Variants in TNFSF9 observed in about 807,000 individuals in gnomAD.
TNFSF9 encodes the protein tumor necrosis factor ligand superfamily member 9.
A neutral mutation model predicts 10.3 loss-of-function variants in TNFSF9; 10 were observed. The ratio of observed to expected loss-of-function variants is 0.97; its 90% CI spans 0.60 to 1.65. The LOEUF (loss-of-function observed/expected upper bound fraction) is 1.65. Ranked by LOEUF, TNFSF9 falls within the 40% of genes most tolerant of loss-of-function variation. TNFSF9 has a pLI of 0.00. For missense variants in TNFSF9, 361 were observed against 348.9 expected (o/e 1.03, Z -0.28); for synonymous variants, 195 against 176.1 (o/e 1.11, Z -0.85).
Position 6,535,268 on chromosome 19 carries a change from A to C in TNFSF9, c.*202A>C, listed in dbSNP as rs1915243259. ...TGATATTTATTCTGAGCCTGAGCTC[A>C]GATAATATATTATATATATTATATA... On this transcript the variant is annotated 3_prime_UTR_variant, in exon 3 of 3. Coordinates refer to ENST00000245817, the MANE Select transcript of TNFSF9 (RefSeq NM_003811.4). The C allele has an allele frequency of 3.8e-6, 1 of 262,860 alleles. No homozygotes were observed. The highest frequency in any genetic ancestry group is 5.1e-5 in the Admixed American group (1 of 19,584). 16.3% of individuals were successfully genotyped at this position (262,860 alleles called of 1,614,324 possible).
chr19:6,532,299 T>TGTG (rs1491291966), intron 1 of TNFSF9, among the ~76,000 whole-genome samples: 25 of 81,884 alleles, frequency 3.1e-4, no homozygotes, highest in African/African-American at 1.7e-3. Context: ...GTGTGTGTGT[T>TGTG]CGTGTTTGTG....
At chr19:6,532,612 T>C (rs547350640) in intron 1 of TNFSF9, among the ~76,000 whole-genome samples, 174 bp from the exon 2 acceptor site, 40 of 150,894 alleles carry the variant, frequency 2.7e-4, no homozygotes, top group East Asian at 7.7e-4. Context: ...TTCGTGTGTT[T>C]GTGTGTTTGT....
Position 6,534,987 on chromosome 19 carries a change from C to T in TNFSF9, c.686C>T (p.Thr229Ile), listed in dbSNP as rs372880514. 10 of 1,610,244 alleles carry T rather than the reference C, an allele frequency of 6.2e-6. No individual in the cohort carries two copies. In the African/African-American group the frequency reaches 1.3e-4, roughly 22 times the overall value. ...AGGGCACGCCATGCCTGGCAGCTTA[C>T]CCAGGGCGCCACAGTCTTGGGACTC... is the stretch of plus-strand genomic sequence containing the variant. ...EARARHAWQL[T>I]QGATVLGLFR... Residue 229 changes from threonine (T) to isoleucine (I), a missense_variant, in exon 3 of 3, where the codon ACC (threonine) becomes ATC (isoleucine). By Grantham distance (89) the Thr-to-Ile change is moderately conservative (BLOSUM62 -1). Coordinates refer to ENST00000245817, the MANE Select transcript of TNFSF9 (RefSeq NM_003811.4).
Position 6,534,598 on chromosome 19 carries a change from A to C in TNFSF9, c.299-2A>C. On this transcript the variant is annotated splice_acceptor_variant, in intron 2 of 2. Transcript: ENST00000245817. LOFTEE classifies it high-confidence loss of function. The stretch of plus-strand genomic sequence containing the variant: ...AGCTAAGTGCATGCTTTCCTCCCAC[A>C]GTTCTGCTGATCGATGGGCCCCTGA... 6.4e-7 allele frequency: 1 copy of C among 1,563,904 alleles called. No individual in the cohort carries two copies. The highest frequency in any genetic ancestry group is 8.7e-7 in the Non-Finnish European group (1 of 1,155,024).
rs879202158 is a variant in TNFSF9, at chr19:6,532,702, C to A, written c.268-84C>A. The A allele has an allele frequency of 7.5e-6, 12 of 1,601,442 alleles. No homozygotes were observed. In the South Asian group the frequency reaches 1.2e-4, roughly 16 times the overall value. ...TTCAGGTCGGCACAGACTCTGGGGACCCTGACAGCTGAAGTGAGTGGGGAC... is the reference window on the plus strand; with the variant it reads ...TTCAGGTCGGCACAGACTCTGGGGAACCTGACAGCTGAAGTGAGTGGGGAC... On this transcript the variant is annotated intron_variant, in intron 1 of 2. Coordinates refer to ENST00000245817, the MANE Select transcript of TNFSF9 (RefSeq NM_003811.4).
chr19:6,535,707 G>A lies in TNFSF9; in HGVS notation c.*641G>A, dbSNP rs934311358. The A allele has an allele frequency of 3.3e-5, 5 of 152,060 alleles. No individual in the cohort carries two copies. In the East Asian group the frequency reaches 7.7e-4, roughly 23 times the overall value. 9.4% of individuals were successfully genotyped at this position (152,060 alleles called of 1,614,324 possible). ...TGGTCTTGTTCTGTCAACCAGGCTA[G>A]AATGCAGCGGTGCAATCATGAGTCA... On this transcript the variant is annotated 3_prime_UTR_variant, in exon 3 of 3. Transcript: ENST00000245817.
chr19:6,535,585 A>G lies in TNFSF9; in HGVS notation c.*519A>G, dbSNP rs761995290. ...AATAGACTGAAAGAAAATCTGAGTT[A>G]TGGTAATACGTGAGGAATTTAAAGA... is the stretch of plus-strand genomic sequence containing the variant. On this transcript the variant is annotated 3_prime_UTR_variant, in exon 3 of 3. Coordinates refer to ENST00000245817, the MANE Select transcript of TNFSF9 (RefSeq NM_003811.4). The G allele has an allele frequency of 6.6e-6, 1 of 152,194 alleles. No homozygotes were observed. The highest frequency in any genetic ancestry group is 2.4e-5 in the African/African-American group (1 of 41,446). 9.4% of individuals were successfully genotyped at this position (152,194 alleles called of 1,614,324 possible).
chr19:6,531,636 TC>T (rs1277996264), intron 1 of TNFSF9, among the ~76,000 whole-genome samples: 1 of 150,912 alleles, frequency 6.6e-6, no homozygotes, highest in Non-Finnish European at 1.5e-5. Flanking sequence ...CCTATCTGTA[TC>T]CCGGGAGGGG....
chr19:6,534,519 G>T, intron 2 of TNFSF9, 81 bp from the exon 3 acceptor site: 1 of 1,354,604 alleles, frequency 7.4e-7, no homozygotes, highest in Non-Finnish European at 9.9e-7. Flanking sequence ...CCAGGGCTGC[G>T]CTGACATGTT....
chr19:6,531,049 T>C lies in TNFSF9; in HGVS notation c.13T>C (p.Ser5Pro). Residue 5 changes from serine to proline, a missense_variant, in exon 1 of 3, where the codon TCT becomes CCT. Transcript: ENST00000245817. MEYA[S>P]DASLDPEAPW... ...GCAGTCTCTCGTCATGGAATACGCC[T>C]CTGACGCTTCACTGGACCCCGAAGC... 6.2e-7 allele frequency: 1 copy of C among 1,611,060 alleles called. No individual in the cohort carries two copies. The highest frequency in any genetic ancestry group is 8.5e-7 in the Non-Finnish European group (1 of 1,179,054).
intron 2 of TNFSF9, among the ~76,000 whole-genome samples, chr19:6,533,286 C>CTT (rs1915187529): frequency 8.0e-6 from 1 of 125,646 alleles, no homozygotes; most frequent in African/African-American, 3.9e-5. Context: ...CTTCCCTCCC[C>CTT]CTAGACCCTC....
At chr19:6,532,303 GTT>G (rs1915163905) in intron 1 of TNFSF9, among the ~76,000 whole-genome samples, 1 of 147,806 alleles carries the variant, frequency 6.8e-6, no homozygotes, top group African/African-American at 2.6e-5. Context: ...GTGTGTTCGT[GTT>G]TGTGTGGGTG....
At chr19:6,532,296 T>TTC (rs1555758721) in intron 1 of TNFSF9, among the ~76,000 whole-genome samples, 51 of 146,170 alleles carry the variant, frequency 3.5e-4, no homozygotes, top group South Asian at 2.6e-3. Flanking sequence ...TGTGTGTGTG[T>TTC]GTTCGTGTTT....
chr19:6,532,926 C>A, intron 2 of TNFSF9, 110 bp downstream of exon 2: 2 of 1,485,028 alleles, frequency 1.3e-6, no homozygotes, highest in Non-Finnish European at 9.4e-7. Context: ...GGCTTTGACC[C>A]TTGACCGCTG....
At chr19:6,533,375 C>A (rs1371983491) in intron 2 of TNFSF9, among the ~76,000 whole-genome samples, 2 of 138,590 alleles carry the variant, frequency 1.4e-5, no homozygotes, top group Admixed American at 7.2e-5. Context: ...ACCTTCCCTC[C>A]CCGTCCAGAG....
In TNFSF9 at chr19:6,535,151, G is replaced by T; in HGVS notation, c.*85G>T. On this transcript the variant is annotated 3_prime_UTR_variant, in exon 3 of 3. Coordinates refer to ENST00000245817, the MANE Select transcript of TNFSF9 (RefSeq NM_003811.4). Reference sequence around the variant, plus strand: ...AGACCCCTGGTGCTGGGTCCCTGCTGCTTTCTCTACCTCAAGGGGCTTGGC... The same window carrying T: ...AGACCCCTGGTGCTGGGTCCCTGCTTCTTTCTCTACCTCAAGGGGCTTGGC... The T allele has an allele frequency of 1.4e-6, 2 of 1,382,540 alleles. No individual in the cohort carries two copies. The highest frequency in any genetic ancestry group is 1.9e-6 in the Non-Finnish European group (2 of 1,052,220). 85.6% of individuals were successfully genotyped at this position (1,382,540 alleles called of 1,614,324 possible).
Position 6,533,882 on chromosome 19 carries a change from C to T in TNFSF9, c.299-718C>T, listed in dbSNP as rs528824697. On this transcript the variant is annotated intron_variant, in intron 2 of 2. Coordinates refer to ENST00000245817, the MANE Select transcript of TNFSF9 (RefSeq NM_003811.4). ...TGGTGCTTCCTTCTCCCTAACCCCT[C>T]CCCCACCCCTTCCTGCTCCCTTTGC... 9.2e-4 allele frequency among the ~76,000 whole-genome samples: 48 copies of T among 51,912 alleles called. 1 individual carries two copies. The highest frequency in any genetic ancestry group is 1.4e-3 in the South Asian group (2 of 1,446). 34.1% of individuals were successfully genotyped at this position (51,912 alleles called of 152,430 possible).
rs1915238777 is a variant in TNFSF9, at chr19:6,535,021, G to T, written c.720G>T (p.Val240=). 3 of 1,589,316 alleles carry T rather than the reference G, an allele frequency of 1.9e-6. No homozygotes were observed. Among genetic ancestry groups the T allele is most frequent in the Non-Finnish European group, 2.6e-6 (3 of 1,166,412 alleles). The change falls in exon 3 of 3, where the codon GTG becomes GTT. Residue 240 remains valine (V), a synonymous_variant. Coordinates refer to ENST00000245817, the MANE Select transcript of TNFSF9 (RefSeq NM_003811.4). The part of the protein sequence containing the change: ...QGATVLGLFR[V]TPEIPAGLPS... Reference sequence around the variant, plus strand: ...CCACAGTCTTGGGACTCTTCCGGGTGACCCCCGAAATCCCAGCCGGACTCC... The same window carrying T: ...CCACAGTCTTGGGACTCTTCCGGGTTACCCCCGAAATCCCAGCCGGACTCC...
rs146406969 is a variant in TNFSF9, at chr19:6,534,746, C to T, written c.445C>T (p.Leu149=). 6 of 1,597,908 alleles carry T rather than the reference C, an allele frequency of 3.8e-6. No individual in the cohort carries two copies. Among genetic ancestry groups the T allele is most frequent in the East Asian group, 2.3e-5 (1 of 44,182 alleles). The part of the protein sequence containing the change: ...GVYYVFFQLE[L]RRVVAGEGSG... ...CTACTATGTCTTCTTTCAACTAGAG[C>T]TGCGGCGCGTGGTGGCCGGCGAGGG... Residue 149 remains leucine (L), a synonymous_variant, in exon 3 of 3, where the codon CTG becomes TTG. Transcript: ENST00000245817.
Sources: allele counts gnomAD v4.1 joint callset (sites outside exome capture counted in the v4.1 genomes callset), GRCh38; gene constraint gnomAD v4.1.1; transcripts MANE v1.5; gene names NCBI Gene and HGNC (gene_info 2026-07-23, HGNC 2026-07-21).